ZNRF3: variants seen among roughly 807,000 people sequenced by gnomAD.
The protein encoded by ZNRF3 is zinc and ring finger 3.
Under a neutral mutation model 72.5 loss-of-function variants are expected in ZNRF3, and 23 were observed. That is an observed-to-expected ratio of 0.32 (90% CI 0.23 to 0.45). The LOEUF (loss-of-function observed/expected upper bound fraction) is 0.45, where lower values mean the gene tolerates loss of function less well. Ranked by LOEUF, ZNRF3 falls within the 20% of genes least tolerant of loss-of-function variation. The probability of loss-of-function intolerance (pLI) is 1.00; values close to 1 mark genes in which losing one functional copy is unlikely to be tolerated. For missense variants in ZNRF3, 1,169 were observed against 1,272.1 expected, an observed-to-expected ratio of 0.92 and a Z score of 1.23; for synonymous variants, 610 against 545.3, an observed-to-expected ratio of 1.12 and a Z score of -1.65.
intron 1 of ZNRF3, among the ~76,000 whole-genome samples, chr22:28,918,867 G>A (rs1601557044): frequency 6.6e-6 from 1 of 152,280 alleles, no homozygotes; most frequent in East Asian, 1.9e-4. Context: ...AGTCAGTGGT[G>A]CTGACTTCTC....
At chr22:28,926,451 G>T (rs548549646) in intron 1 of ZNRF3, among the ~76,000 whole-genome samples, 2 of 151,046 alleles carry the variant, frequency 1.3e-5, no homozygotes, top group South Asian at 4.2e-4. Context: ...CTCCCCAGTA[G>T]CTGGGATTAT....
intron 8 of ZNRF3, 131 bp downstream of exon 8, chr22:29,051,079 TC>T: frequency 9.4e-7 from 1 of 1,063,078 alleles, no homozygotes; most frequent in Middle Eastern, 3.1e-4. Context: ...GCTGAAGACT[TC>T]CAAGGGTTAC....
chr22:28,993,497 A>ACGTCCAGC (rs1472976440), intron 2 of ZNRF3, among the ~76,000 whole-genome samples: 1 of 152,180 alleles, frequency 6.6e-6, no homozygotes, highest in Non-Finnish European at 1.5e-5. Context: ...CCACTAACCC[A>ACGTCCAGC]CGTCCAGCCC....
chr22:28,944,025 AG>A (rs973409177), intron 1 of ZNRF3, among the ~76,000 whole-genome samples: 2 of 151,066 alleles, frequency 1.3e-5, no homozygotes, highest in African/African-American at 4.9e-5. Flanking sequence ...AAGGCCAAAA[AG>A]GAAAAAAAAA....
chr22:28,957,681 C>T (rs901234157), intron 1 of ZNRF3, among the ~76,000 whole-genome samples: 8 of 151,700 alleles, frequency 5.3e-5, no homozygotes, highest in African/African-American at 1.9e-4. Context: ...CCTTGTGATC[C>T]GCTCGCCTCG....
chr22:28,952,389 G>A (rs1402971584), intron 1 of ZNRF3, among the ~76,000 whole-genome samples: 3 of 152,156 alleles, frequency 2.0e-5, no homozygotes, highest in Non-Finnish European at 4.4e-5. Flanking sequence ...GCTGGATTAA[G>A]GGACATCAGC....
chr22:28,993,824 A>C (rs1036849589), intron 2 of ZNRF3, among the ~76,000 whole-genome samples: 1 of 152,194 alleles, frequency 6.6e-6, no homozygotes, highest in African/African-American at 2.4e-5. Flanking sequence ...CTGGGACTAC[A>C]GGTGTGTGCC....
chr22:29,016,464 T>C (rs2036440209), intron 2 of ZNRF3, among the ~76,000 whole-genome samples: 1 of 152,222 alleles, frequency 6.6e-6, no homozygotes, highest in African/African-American at 2.4e-5. Flanking sequence ...TGAATAATTA[T>C]AGTCAAGAAA....
chr22:28,886,689 TG>T (rs2033793698), intron 1 of ZNRF3, among the ~76,000 whole-genome samples: 1 of 152,160 alleles, frequency 6.6e-6, no homozygotes, highest in South Asian at 2.1e-4. Flanking sequence ...CCAGGCATGG[TG>T]ACTGACGCCT....
chr22:28,884,086 G>C lies in ZNRF3; in HGVS notation c.300+20G>C. 1 of 1,144,538 alleles carries C rather than the reference G, an allele frequency of 8.7e-7. No homozygotes were observed. 70.9% of individuals were successfully genotyped at this position (1,144,538 alleles called of 1,614,324 possible). A position where few individuals can be genotyped will look rare whatever the true frequency, so the allele number is the denominator to read the frequency against. ...GTGCAGGTAGCTGCCCGCCGCCCGG[G>C]CCCCGCGCCGCCTCCGCCACAAGAT... On this transcript the variant is annotated intron_variant, in intron 1 of 8. Transcript: ENST00000544604.
intron 1 of ZNRF3, among the ~76,000 whole-genome samples, chr22:28,907,149 GTT>G (rs3884979): frequency 6.8e-6 from 1 of 146,906 alleles, no homozygotes. Context: ...CGCCCGTCCA[GTT>G]TTTTTTTTTT....
chr22:28,969,309 T>C (rs2035529358), intron 1 of ZNRF3, among the ~76,000 whole-genome samples: 1 of 152,250 alleles, frequency 6.6e-6, no homozygotes, highest in Non-Finnish European at 1.5e-5. Context: ...TTCTGTTCTT[T>C]TTTTCCCCCG....
chr22:28,987,266 A>G, intron 2 of ZNRF3, 65 bp downstream of exon 2: 6 of 1,559,990 alleles, frequency 3.8e-6, no homozygotes, highest in Non-Finnish European at 5.2e-6. Flanking sequence ...CCATTTCAGC[A>G]TTCCTCAAAT....
At chr22:28,925,323 A>G (rs1045364815) in intron 1 of ZNRF3, among the ~76,000 whole-genome samples, 7 of 152,076 alleles carry the variant, frequency 4.6e-5, no homozygotes, top group Non-Finnish European at 8.8e-5. Flanking sequence ...CATGTGTAAA[A>G]CCAGATTTCT....
chr22:28,928,241 T>C (rs1034047718), intron 1 of ZNRF3, among the ~76,000 whole-genome samples: 10 of 152,188 alleles, frequency 6.6e-5, no homozygotes, highest in Non-Finnish European at 1.2e-4. Context: ...ATGTTAACAG[T>C]TGCTTGATTT....
At position 29,048,334 on chromosome 22, in the gene ZNRF3, G is replaced by A. The variant is rs781441915; in HGVS notation, c.913-55G>A. Reference sequence around the variant, plus strand: ...CCTTGGTCTATGCTGGACTCTGCAGGAGGACACACCTGCGAGGCTGAAGGC... The same window carrying A: ...CCTTGGTCTATGCTGGACTCTGCAGAAGGACACACCTGCGAGGCTGAAGGC... On this transcript the variant is annotated intron_variant, in intron 6 of 8. Transcript: ENST00000544604. The surrounding 1 kb of genome is among the most constrained non-coding windows in gnomAD (Gnocchi z 4.9). 197 of 1,499,376 alleles carry A rather than the reference G, an allele frequency of 1.3e-4. No homozygotes were observed. The highest frequency in any genetic ancestry group is 1.8e-4 in the Non-Finnish European group (194 of 1,079,418). 92.9% of individuals were successfully genotyped at this position (1,499,376 alleles called of 1,614,324 possible).
intron 1 of ZNRF3, among the ~76,000 whole-genome samples, chr22:28,897,222 C>T (rs961762143): frequency 2.6e-5 from 4 of 152,212 alleles, no homozygotes; most frequent in Admixed American, 2.6e-4. Flanking sequence ...CTAGCTGCCC[C>T]AGTCTCTCAT....
At chr22:28,971,112 C>T (rs983817221) in intron 1 of ZNRF3, among the ~76,000 whole-genome samples, 1 of 152,076 alleles carries the variant, frequency 6.6e-6, no homozygotes, top group African/African-American at 2.4e-5. Context: ...CTGCTTGAGC[C>T]CAGGAGTTTG....
intron 1 of ZNRF3, among the ~76,000 whole-genome samples, chr22:28,931,627 G>A (rs1189558458): frequency 6.6e-6 from 1 of 152,138 alleles, no homozygotes; most frequent in Non-Finnish European, 1.5e-5. Context: ...CCATCCATCT[G>A]TCCACCCATC....
Sources: allele counts gnomAD v4.1 joint callset (sites outside exome capture counted in the v4.1 genomes callset), GRCh38; gene constraint gnomAD v4.1.1; non-coding constraint Gnocchi (gnomAD v3.1); transcripts MANE v1.5; gene names NCBI Gene and HGNC (gene_info 2026-07-23, HGNC 2026-07-21).